The following TASOR2 variants were observed in gnomAD, a reference collection of about 807,000 sequenced individuals.
TASOR2 encodes the protein transcription activation suppressor family member 2, also known as protein TASOR 2.
TASOR2 carries 84 observed loss-of-function variants against 199.5 expected under a neutral mutation model. That is an observed-to-expected ratio of 0.42 (90% CI 0.35 to 0.50). TASOR2 has a LOEUF of 0.50. Among genes scored for constraint, TASOR2 ranks in the 20% least tolerant of loss-of-function variants. TASOR2 has a pLI of 0.02. For synonymous variants in TASOR2, 1,103 were observed against 1,046.6 expected, an observed-to-expected ratio of 1.05 and a Z score of -1.04; for missense variants, 2,796 against 2,835.9, an observed-to-expected ratio of 0.99 and a Z score of 0.32.
At chr10:5,705,537 A>G (rs1838469734) in intron 1 of TASOR2, among the ~76,000 whole-genome samples, 1 of 152,176 alleles carries the variant, frequency 6.6e-6, no homozygotes, top group Non-Finnish European at 1.5e-5. Flanking sequence ...GTATGTGTTT[A>G]TAAGAAACTG....
intron 15 of TASOR2, among the ~76,000 whole-genome samples, chr10:5,755,046 C>CAAAAAA (rs34884255): frequency 2.6e-5 from 2 of 78,120 alleles, no homozygotes; most frequent in African/African-American, 1.0e-4. Flanking sequence ...ACTCTTGTCT[C>CAAAAAA]AAAAAAAAAA....
At chr10:5,746,431 G>A (rs1349626533) in exon 15 of TASOR2, 1 of 1,614,070 alleles carries the variant, frequency 6.2e-7, no homozygotes, top group Non-Finnish European at 8.5e-7. Flanking sequence ...AAACAAAGTG[G>A]ATATTCTTGA....
At chr10:5,712,395 T>C (rs1832040685) in intron 1 of TASOR2, 1 of 1,231,530 alleles carries the variant, frequency 8.1e-7, no homozygotes, top group Non-Finnish European at 1.0e-6. Flanking sequence ...GTTTTACAGT[T>C]TTTGAGACAG....
At position 5,690,199 on chromosome 10, in the gene TASOR2, T is replaced by G. The variant is rs1413714573; in HGVS notation, c.-288+5024T>G. Among the ~76,000 whole-genome samples the G allele has an allele frequency of 6.6e-6, 1 of 152,266 alleles. No homozygotes were observed. Among genetic ancestry groups the G allele is most frequent in the Non-Finnish European group, 1.5e-5 (1 of 68,038 alleles). ...TACAAATAACCAGCTTTTGCTTTTA[T>G]TGCTTGGCTTAGTTGGCTTTTTTAA... On this transcript the variant is annotated intron_variant, in intron 1 of 20. Transcript: ENST00000328090. The surrounding 1 kb of genome is among the most constrained non-coding windows in gnomAD (Gnocchi z 4.8).
At chr10:5,724,403 G>T (rs1833763102) in intron 7 of TASOR2, 27 bp from the exon 9 acceptor site, 2 of 1,223,636 alleles carry the variant, frequency 1.6e-6, no homozygotes, top group South Asian at 1.4e-5. Flanking sequence ...TTAAAAATAA[G>T]AAATGTTTTT....
At chr10:5,761,240 CTAAGAA>C (rs1564376956) in intron 18 of TASOR2, 44 bp from the exon 20 acceptor site, 3 of 1,512,654 alleles carry the variant, frequency 2.0e-6, no homozygotes, top group Non-Finnish European at 1.8e-6. Flanking sequence ...AGAAAAAGTC[CTAAGAA>C]TAAAACTGAA....
intron 2 of TASOR2, among the ~76,000 whole-genome samples, chr10:5,716,913 AAT>A (rs1016030199): frequency 1.1e-3 from 168 of 147,560 alleles, no homozygotes; most frequent in African/African-American, 3.0e-3. Context: ...TATAAATATA[AAT>A]ATATATATAT....
intron 1 of TASOR2, among the ~76,000 whole-genome samples, chr10:5,696,707 C>T (rs9423946): frequency 0.92 from 140,645 of 152,164 alleles, 65,182 homozygotes; most frequent in Non-Finnish European, 0.96. Flanking sequence ...AGCCAAGGGT[C>T]GCCTGCCATA....
At chr10:5,704,752 A>G (rs538393899) in intron 1 of TASOR2, among the ~76,000 whole-genome samples, 1 of 152,260 alleles carries the variant, frequency 6.6e-6, no homozygotes, top group Admixed American at 6.5e-5. Context: ...ACAGTTTCTT[A>G]TAGCTATTTT....
intron 1 of TASOR2, among the ~76,000 whole-genome samples, chr10:5,686,356 G>A (rs1055540580): frequency 4.6e-5 from 7 of 152,130 alleles, no homozygotes; most frequent in African/African-American, 1.7e-4. Context: ...ACTGAGACAT[G>A]GTGTTTGTTA....
rs1267872194 is a variant in TASOR2 at position 5,720,431 on chromosome 10, T to TA, written c.-99-112dup. On this transcript the variant is annotated intron_variant, in intron 3 of 20. Transcript: ENST00000328090. The surrounding 1 kb of genome is among the most constrained non-coding windows in gnomAD (Gnocchi z 5.3). ...ACCTGTGAATGAGTAACACCCAAGA[T>TA]ATATTTCTGACTCTAATGTGTTAAA... The TA allele has an allele frequency of 7.1e-7, 1 of 1,413,746 alleles. No individual in the cohort carries two copies. The highest frequency in any genetic ancestry group is 1.4e-5 in the African/African-American group (1 of 69,400). 87.6% of individuals were successfully genotyped at this position (1,413,746 alleles called of 1,614,324 possible).
rs372624122 is a variant in TASOR2 at position 5,748,889 on chromosome 10, A to G, written c.5468A>G (p.His1823Arg). Residue 1823 changes from histidine (H) to arginine (R), a missense_variant, in exon 15 of 21, where the codon CAC becomes CGC. Coordinates refer to ENST00000328090, the Ensembl canonical transcript of TASOR2. The surrounding 1 kb of genome is among the most constrained non-coding windows in gnomAD (Gnocchi z 5.1). ...GAGGTCGGTGTGAATTCCGACATGC[A>G]CTATGAACTCTCTGGAGATTCTGAT... The G allele has an allele frequency of 7.4e-6, 12 of 1,614,190 alleles. 1 individual carries two copies. The highest frequency in any genetic ancestry group is 5.0e-5 in the Admixed American group (3 of 60,022).
chr10:5,723,399 G>A (rs939735978), intron 6 of TASOR2, among the ~76,000 whole-genome samples: 1 of 151,676 alleles, frequency 6.6e-6, no homozygotes, highest in African/African-American at 2.4e-5. Flanking sequence ...CCTTATTCCT[G>A]TATACATAAT....
In TASOR2 at chr10:5,751,565, G is replaced by A. The variant is rs140228307; in HGVS notation, c.6606+1538G>A. 1.2e-3 allele frequency among the ~76,000 whole-genome samples: 178 copies of A among 152,296 alleles called. 3 individuals carry two copies. The East Asian group carries it at 0.026, about 22-fold the overall frequency. On this transcript the variant is annotated intron_variant, in intron 15 of 20. Coordinates refer to ENST00000328090, the Ensembl canonical transcript of TASOR2. This position sits in a 1 kb window ranked among gnomAD's most constrained non-coding sequence, Gnocchi z 5.3. ...TTTAAGTTGGCTTCTGTGTCCTTTT[G>A]ACAATTCGCCATAATTCTTCGGGCA...
chr10:5,720,081 G>C lies in TASOR2; in HGVS notation c.-99-463G>C, dbSNP rs565404439. Among the ~76,000 whole-genome samples, 2 of 152,132 alleles carry C rather than the reference G, an allele frequency of 1.3e-5. No homozygotes were observed. Among genetic ancestry groups the C allele is most frequent in the Non-Finnish European group, 2.9e-5 (2 of 68,026 alleles). ...TTGAGTCCATTTTTAAGGGTTCATG[G>C]ATAATCAAAACTATTTTTGGCCTTA... On this transcript the variant is annotated intron_variant, in intron 3 of 20. Coordinates refer to ENST00000328090, the Ensembl canonical transcript of TASOR2. The surrounding 1 kb of genome is among the most constrained non-coding windows in gnomAD (Gnocchi z 5.3).
intron 1 of TASOR2, among the ~76,000 whole-genome samples, chr10:5,693,404 G>T (rs994849457): frequency 3.9e-5 from 6 of 152,202 alleles, no homozygotes; most frequent in African/African-American, 1.4e-4. Flanking sequence ...GATTATCTTG[G>T]TTTAAACTCG....
rs1275833586 is a variant in TASOR2 at position 5,690,706 on chromosome 10, T to G, written c.-288+5531T>G. ...ATTTTTGTAAGAGGGACAAAACTAC[T>G]TAACAGTGTGTATCCTTGCAATAAG... On this transcript the variant is annotated intron_variant, in intron 1 of 20. Transcript: ENST00000328090. This position sits in a 1 kb window ranked among gnomAD's most constrained non-coding sequence, Gnocchi z 4.8. Among the ~76,000 whole-genome samples, 1 of 152,200 alleles carries G rather than the reference T, an allele frequency of 6.6e-6. No individual in the cohort carries two copies. Among genetic ancestry groups the G allele is most frequent in the East Asian group, 1.9e-4 (1 of 5,200 alleles).
chr10:5,705,117 C>A (rs1356402078), intron 1 of TASOR2, among the ~76,000 whole-genome samples: 1 of 152,168 alleles, frequency 6.6e-6, no homozygotes, highest in South Asian at 2.1e-4. Flanking sequence ...GTGTCCATCA[C>A]CCCAGAAAGT....
At position 5,710,399 on chromosome 10, in the gene TASOR2, A is replaced by G. The variant is rs570751641; in HGVS notation, c.-287-2424A>G. On this transcript the variant is annotated intron_variant, in intron 1 of 20. Transcript: ENST00000328090. The surrounding 1 kb of genome is among the most constrained non-coding windows in gnomAD (Gnocchi z 4.6). ...GCCTAAAGTGGAAGCATTTTTAACC[A>G]TAAATAAATAGTTCTGGAAATAAAA... 1.0e-3 allele frequency among the ~76,000 whole-genome samples: 156 copies of G among 152,292 alleles called. 1 individual carries two copies. Among genetic ancestry groups the G allele is most frequent in the African/African-American group, 3.6e-3 (148 of 41,584 alleles).
Sources: allele counts gnomAD v4.1 joint callset (sites outside exome capture counted in the v4.1 genomes callset), GRCh38; gene constraint gnomAD v4.1.1; non-coding constraint Gnocchi (gnomAD v3.1); transcripts MANE v1.5; gene names NCBI Gene and HGNC (gene_info 2026-07-23, HGNC 2026-07-21).